The following FANCB variants were observed in gnomAD, a reference collection of about 807,000 sequenced individuals.
FANCB encodes Fanconi anemia group B protein.
FANCB carries 5 observed loss-of-function variants against 38.9 expected under a neutral mutation model. The observed-to-expected ratio is 0.13, with a 90% CI of 0.07 to 0.27. The LOEUF is 0.27. Among genes scored for constraint, FANCB ranks in the 10% least tolerant of loss-of-function variants. The pLI, the probability that FANCB is intolerant of heterozygous loss-of-function variation, is 1.00. For missense variants in FANCB, 573 were observed against 602.7 expected (o/e 0.95, Z 0.52); for synonymous variants, 236 against 215.4 (o/e 1.10, Z -0.84).
the FANCB span, among the ~76,000 whole-genome samples, chrX:14,745,907 A>G: frequency 2.8e-5 from 3 of 108,557 alleles, no homozygotes; most frequent in Non-Finnish European, 5.7e-5. Flanking sequence ...TCACCGTGTT[A>G]GCCAGGATGG....
the FANCB span, among the ~76,000 whole-genome samples, chrX:14,777,340 T>C: frequency 8.9e-6 from 1 of 112,090 alleles, no homozygotes; most frequent in South Asian, 3.7e-4. Flanking sequence ...TTATCATCAC[T>C]TCAGGAGAGA....
At chrX:14,691,273 G>C in the FANCB span, among the ~76,000 whole-genome samples, 12 of 3,719 alleles carry the variant, frequency 3.2e-3, no homozygotes, top group African/African-American at 4.1e-3. Context: ...AATATTGACT[G>C]TGTGTGTGTG....
At chrX:14,814,725 A>C in the FANCB span, among the ~76,000 whole-genome samples, 8 of 112,255 alleles carry the variant, frequency 7.1e-5, no homozygotes, top group South Asian at 1.5e-3. Flanking sequence ...GTTGGTGGGA[A>C]CGTAAACTAG....
the FANCB span, among the ~76,000 whole-genome samples, chrX:14,775,078 C>T: frequency 2.8e-5 from 3 of 108,948 alleles, no homozygotes; most frequent in East Asian, 2.9e-4. Context: ...ATGATCTGCC[C>T]GCCTCGGCCT....
the FANCB span, among the ~76,000 whole-genome samples, chrX:14,773,175 C>G: frequency 2.7e-5 from 3 of 112,070 alleles, no homozygotes; most frequent in Non-Finnish European, 5.6e-5. Flanking sequence ...TAATTTAGTA[C>G]CGCATATAGA....
the FANCB span, among the ~76,000 whole-genome samples, chrX:14,825,618 A>T: frequency 2.7e-5 from 3 of 112,363 alleles, no homozygotes; most frequent in South Asian, 1.1e-3. Flanking sequence ...CATTTAACAT[A>T]TTATAATTAT....
At chrX:14,824,367 C>T in the FANCB span, among the ~76,000 whole-genome samples, 353 of 111,829 alleles carry the variant, frequency 3.2e-3, 1 homozygote, top group African/African-American at 0.01. Flanking sequence ...TACTCTTTTA[C>T]GGTTTTTTTT....
At chrX:14,775,176 T>G in the FANCB span, among the ~76,000 whole-genome samples, 4 of 97,692 alleles carry the variant, frequency 4.1e-5, no homozygotes, top group African/African-American at 1.1e-4. Flanking sequence ...TTTTTTTTTT[T>G]TTTTTTTTTT....
chrX:14,838,121 GCA>G lies in FANCB; in HGVS notation c.*1567-1868_*1567-1867del, dbSNP rs372089616. Among the ~76,000 whole-genome samples, 341 of 111,731 alleles carry G rather than the reference GCA, an allele frequency of 3.1e-3. 1 individual carries two copies. Among genetic ancestry groups the G allele is most frequent in the African/African-American group, 1.0e-2 (307 of 30,735 alleles). On this transcript the variant is annotated intron_variant and NMD_transcript_variant, in intron 10 of 10. Transcript: ENST00000643728. Reference sequence around the variant, plus strand: ...TGACTCATAGCTACTATCCTGGGAAGCACAGTTTTATAGGGTTGTAAGGATCA... The same window carrying G: ...TGACTCATAGCTACTATCCTGGGAAGCAGTTTTATAGGGTTGTAAGGATCA...
chrX:14,861,845 T>C (rs1602001304), intron 3 of FANCB, among the ~76,000 whole-genome samples: 1 of 110,770 alleles, frequency 9.0e-6, no homozygotes, highest in African/African-American at 3.4e-5. Flanking sequence ...TCTGTTTTTT[T>C]AAATTAATTT....
At chrX:14,784,225 A>G in the FANCB span, among the ~76,000 whole-genome samples, 1 of 112,520 alleles carries the variant, frequency 8.9e-6, no homozygotes, top group Non-Finnish European at 1.9e-5. Flanking sequence ...AAAGAAAAAG[A>G]TATATCAAAT....
chrX:14,777,632 T>A, the FANCB span, among the ~76,000 whole-genome samples: 1 of 111,999 alleles, frequency 8.9e-6, no homozygotes, highest in Non-Finnish European at 1.9e-5. Context: ...AAAGGTAAGA[T>A]CACTGGACAG....
the FANCB span, among the ~76,000 whole-genome samples, chrX:14,704,373 AAAATCCAGATCCTGCAC>A: frequency 8.0e-5 from 9 of 112,180 alleles, no homozygotes; most frequent in Admixed American, 7.5e-4. Flanking sequence ...TTTCCACTTT[AAAATCCAGATCCTGCAC>A]AATGGTTTAA....
At chrX:14,845,392 T>C in intron 7 of FANCB, 106 bp from the exon 8 acceptor site, 6 of 624,589 alleles carry the variant, frequency 9.6e-6, no homozygotes, top group Non-Finnish European at 1.5e-5. Flanking sequence ...ATTCTTTCCT[T>C]TCCTAGAAAA....
the FANCB span, among the ~76,000 whole-genome samples, chrX:14,797,690 A>AG: frequency 2.9e-5 from 3 of 101,950 alleles, no homozygotes; most frequent in South Asian, 1.3e-3. Flanking sequence ...AAAAAAAAAA[A>AG]AAGAGAGAGA....
chrX:14,806,454 G>A, the FANCB span, among the ~76,000 whole-genome samples: 8 of 112,020 alleles, frequency 7.1e-5, no homozygotes, highest in Non-Finnish European at 1.5e-4. Context: ...CCAAGTCAGA[G>A]GTGATGCAGG....
At chrX:14,707,584 A>C in the FANCB span, among the ~76,000 whole-genome samples, 1 of 83,966 alleles carries the variant, frequency 1.2e-5, no homozygotes, top group Admixed American at 1.5e-4. Flanking sequence ...ACCCTCTAAA[A>C]AAACCAAAAA....
chrX:14,858,936 C>T (rs1389206858), intron 4 of FANCB, among the ~76,000 whole-genome samples: 1 of 111,515 alleles, frequency 9.0e-6, no homozygotes, highest in Non-Finnish European at 1.9e-5. Flanking sequence ...TATAGTACTG[C>T]TGTCACTTAA....
intron 3 of FANCB, among the ~76,000 whole-genome samples, chrX:14,859,936 G>A (rs181991426): frequency 2.7e-5 from 3 of 111,540 alleles, no homozygotes; most frequent in African/African-American, 9.8e-5. Flanking sequence ...TGATGTGGGT[G>A]TGGAGGGGAA....
Sources: allele counts gnomAD v4.1 joint callset (sites outside exome capture counted in the v4.1 genomes callset), GRCh38; gene constraint gnomAD v4.1.1; transcripts MANE v1.5; gene names NCBI Gene and HGNC (gene_info 2026-07-23, HGNC 2026-07-21).